SLAIN2: variants seen among roughly 807,000 people sequenced by gnomAD.
SLAIN2 encodes the protein SLAIN motif-containing protein 2.
SLAIN2 carries 31 observed loss-of-function variants against 56.6 expected under a neutral mutation model. The ratio of observed to expected loss-of-function variants is 0.55; its 90% CI spans 0.41 to 0.74. The LOEUF is 0.74. Among genes scored for constraint, SLAIN2 ranks in the 30% least tolerant of loss-of-function variants. The probability of loss-of-function intolerance (pLI) is 0.00; values close to 1 mark genes in which losing one functional copy is unlikely to be tolerated. For synonymous variants in SLAIN2, 317 were observed against 284.9 expected, an observed-to-expected ratio of 1.11 and a Z score of -1.13; for missense variants, 777 against 754.2, an observed-to-expected ratio of 1.03 and a Z score of -0.35.
chr4:48,371,851 G>C (rs909945233), intron 2 of SLAIN2, among the ~76,000 whole-genome samples: 1 of 152,010 alleles, frequency 6.6e-6, no homozygotes, highest in Admixed American at 6.6e-5. Flanking sequence ...GACTGGGGCA[G>C]GAGGATCCCT....
chr4:48,366,562 A>T (rs1181198706), intron 1 of SLAIN2, among the ~76,000 whole-genome samples: 2 of 152,074 alleles, frequency 1.3e-5, no homozygotes, highest in Non-Finnish European at 1.5e-5. Context: ...CTATTGTCTA[A>T]TAATTGCCAC....
intron 3 of SLAIN2, among the ~76,000 whole-genome samples, chr4:48,379,102 ATTC>A (rs1715903835): frequency 1.3e-5 from 2 of 152,126 alleles, no homozygotes; most frequent in Admixed American, 1.3e-4. Context: ...GGATGTGTGT[ATTC>A]TTTATTCCTC....
At chr4:48,383,021 A>G (rs1420171563) in intron 5 of SLAIN2, 94 bp downstream of exon 5, 1 of 1,324,960 alleles carries the variant, frequency 7.5e-7, no homozygotes, top group African/African-American at 1.5e-5. Context: ...TTTCAAAATT[A>G]GCTGGGCATG....
intron 1 of SLAIN2, among the ~76,000 whole-genome samples, chr4:48,363,963 G>T (rs1255314460): frequency 4.7e-5 from 6 of 128,842 alleles, no homozygotes; most frequent in Admixed American, 7.4e-5. Flanking sequence ...GCGGCTGGCC[G>T]GGCAGGGGGC....
rs1039899277 is a variant in SLAIN2 at position 48,378,028 on chromosome 4, T to C, written c.671T>C (p.Ile224Thr). The change falls in exon 3 of 8, where the codon ATA becomes ACA. Residue 224 changes from isoleucine (I) to threonine (T), a missense_variant. Ile to Thr is a moderately conservative substitution (Grantham distance 89). Transcript: ENST00000264313. ...TCCTCAACCCCAGTGCGACCTCCTATAGTCAAACAGCTTATACTTCCTGGA... is the reference window on the plus strand; with the variant it reads ...TCCTCAACCCCAGTGCGACCTCCTACAGTCAAACAGCTTATACTTCCTGGA... The part of the protein sequence containing the change: ...SPSSTPVRPP[I>T]VKQLILPGNS... 1.2e-6 allele frequency: 2 copies of C among 1,613,626 alleles called. No individual in the cohort carries two copies. Among genetic ancestry groups the C allele is most frequent in the African/African-American group, 2.7e-5 (2 of 74,894 alleles).
At chr4:48,405,637 C>T (rs552328346) in intron 6 of SLAIN2, among the ~76,000 whole-genome samples, 6 of 151,836 alleles carry the variant, frequency 4.0e-5, no homozygotes, top group Non-Finnish European at 7.4e-5. Context: ...GGTAGTAGTG[C>T]TTCTTTATCC....
At chr4:48,353,289 G>A (rs772812751) in intron 1 of SLAIN2, among the ~76,000 whole-genome samples, 1 of 152,116 alleles carries the variant, frequency 6.6e-6, no homozygotes, top group Non-Finnish European at 1.5e-5. Flanking sequence ...GGGGAAACTG[G>A]AATGAATGGT....
At chr4:48,360,908 T>C (rs992150735) in intron 1 of SLAIN2, among the ~76,000 whole-genome samples, 1 of 152,238 alleles carries the variant, frequency 6.6e-6, no homozygotes, top group African/African-American at 2.4e-5. Flanking sequence ...GCATAATGTT[T>C]GAAGTTCATG....
chr4:48,371,971 T>C (rs913576809), intron 2 of SLAIN2, among the ~76,000 whole-genome samples: 29 of 148,096 alleles, frequency 2.0e-4, no homozygotes, highest in African/African-American at 3.2e-4. Flanking sequence ...AAAAAGTATA[T>C]ACACACACAC....
rs551332364 is a variant in SLAIN2 at position 48,342,102 on chromosome 4, A to T, written c.363A>T (p.Ser121=). The change falls in exon 1 of 8, where the codon TCA becomes TCT. Residue 121 remains serine, a synonymous_variant. Coordinates refer to ENST00000264313, the MANE Select transcript of SLAIN2 (RefSeq NM_020846.2). ...GGCCCGACGAGCTGGAGCGCCTGTC[A>T]GGCTGGGAGGAGGAGGAGGAGAGCT... is the stretch of plus-strand genomic sequence containing the variant. ...PLRPDELERL[S]GWEEEEESWL... is the part of the protein sequence containing the mutation. 18 of 1,364,826 alleles carry T rather than the reference A, an allele frequency of 1.3e-5. No homozygotes were observed. In the South Asian group the frequency reaches 3.2e-4, roughly 24 times the overall value. The allele number at this position is 1,364,826 out of a possible 1,614,324, so 84.5% of individuals were successfully genotyped here.
intron 1 of SLAIN2, among the ~76,000 whole-genome samples, chr4:48,354,775 T>G (rs1715113643): frequency 1.3e-5 from 2 of 152,158 alleles, no homozygotes; most frequent in East Asian, 3.9e-4. Flanking sequence ...GTTATGGGTA[T>G]TTTGAAAGGA....
intron 6 of SLAIN2, among the ~76,000 whole-genome samples, chr4:48,391,704 A>G (rs17609521): frequency 0.052 from 7,939 of 152,258 alleles, 323 homozygotes; most frequent in African/African-American, 0.11. Context: ...TTCCAGAAAT[A>G]GGGTGTGATG....
At chr4:48,410,984 C>T (rs1716829645) in intron 6 of SLAIN2, among the ~76,000 whole-genome samples, 1 of 152,196 alleles carries the variant, frequency 6.6e-6, no homozygotes, top group South Asian at 2.1e-4. Flanking sequence ...CTCTTCCCTT[C>T]CCTCTTCCAT....
chr4:48,385,942 G>GTT (rs532283338), intron 6 of SLAIN2, among the ~76,000 whole-genome samples: 4 of 139,916 alleles, frequency 2.9e-5, no homozygotes, highest in East Asian at 2.1e-4. Flanking sequence ...CTAAAAAAAT[G>GTT]TTTTTTTTTT....
Position 48,422,113 on chromosome 4 carries a change from A to G in SLAIN2, c.*36A>G, listed in dbSNP as rs1404099427. On this transcript the variant is annotated 3_prime_UTR_variant, in exon 8 of 8. Transcript: ENST00000264313. ...CAAGAATGCAGAAGTCCACGGCTTCATGGATACCCTTCACCAGGCTAAAAA... is the reference window on the plus strand; with the variant it reads ...CAAGAATGCAGAAGTCCACGGCTTCGTGGATACCCTTCACCAGGCTAAAAA... 2 of 1,562,264 alleles carry G rather than the reference A, an allele frequency of 1.3e-6. No homozygotes were observed. Among genetic ancestry groups the G allele is most frequent in the South Asian group, 2.3e-5 (2 of 87,224 alleles).
chr4:48,376,130 T>C (rs1715803091), intron 2 of SLAIN2, among the ~76,000 whole-genome samples: 1 of 152,222 alleles, frequency 6.6e-6, no homozygotes, highest in Admixed American at 6.5e-5. Flanking sequence ...CCAGTGCTCA[T>C]AAATATTGAA....
intron 6 of SLAIN2, among the ~76,000 whole-genome samples, chr4:48,391,455 A>G (rs1274858625): frequency 6.6e-6 from 1 of 152,234 alleles, no homozygotes; most frequent in Non-Finnish European, 1.5e-5. Flanking sequence ...AGCTTAGACC[A>G]ACTATTTTTC....
At chr4:48,404,964 A>G (rs1159863415) in intron 6 of SLAIN2, among the ~76,000 whole-genome samples, 1 of 152,184 alleles carries the variant, frequency 6.6e-6, no homozygotes, top group Non-Finnish European at 1.5e-5. Flanking sequence ...CTCCACTTAT[A>G]CATAAACTTT....
intron 6 of SLAIN2, chr4:48,394,669 T>TA (rs1329798599): frequency 1.3e-6 from 2 of 1,533,014 alleles, no homozygotes; most frequent in Admixed American, 2.0e-5. Context: ...TACAGCCTCT[T>TA]ACTCAGTTTA....
Sources: gnomAD v4.1 joint callset for allele counts (sites outside exome capture counted in the v4.1 genomes callset) on GRCh38, gnomAD v4.1.1 for gene constraint, MANE v1.5 for transcripts, NCBI Gene and HGNC (gene_info 2026-07-23, HGNC 2026-07-21) for gene names.